The following NAV2 variants were observed in gnomAD, a reference collection of about 807,000 sequenced individuals.
The protein encoded by NAV2 is helicase, APC down-regulated 1.
Under a neutral mutation model 223.2 loss-of-function variants are expected in NAV2, and 54 were observed. The ratio of observed to expected loss-of-function variants is 0.24; its 90% confidence interval spans 0.19 to 0.30. The LOEUF (loss-of-function observed/expected upper bound fraction) is 0.30, where lower values mean the gene tolerates loss of function less well. Among genes scored for constraint, NAV2 ranks in the 10% least tolerant of loss-of-function variants. The pLI is 1.00. For synonymous variants in NAV2, 1,279 were observed against 1,239.3 expected, an observed-to-expected ratio of 1.03 and a Z score of -0.67; for missense variants, 2,806 against 3,147.5, an observed-to-expected ratio of 0.89 and a Z score of 2.60.
chr11:19,885,361 GTA>G (rs1006933380), intron 5 of NAV2, among the ~76,000 whole-genome samples: 1 of 152,140 alleles, frequency 6.6e-6, no homozygotes, highest in South Asian at 2.1e-4. Flanking sequence ...TTCAATTCTG[GTA>G]TCTCTGTGGT....
chr11:19,672,585 C>T (rs2048601767), intron 1 of NAV2, among the ~76,000 whole-genome samples: 1 of 152,114 alleles, frequency 6.6e-6, no homozygotes, highest in Non-Finnish European at 1.5e-5. Context: ...CAAATGGTGG[C>T]CAATGGGACT....
intron 1 of NAV2, among the ~76,000 whole-genome samples, chr11:19,600,127 AG>A (rs1382397845): frequency 6.6e-6 from 1 of 152,234 alleles, no homozygotes; most frequent in Non-Finnish European, 1.5e-5. Flanking sequence ...TCAATCCCAC[AG>A]GGGCCCTCTG....
At chr11:19,421,920 C>T (rs557668064) in intron 1 of NAV2, among the ~76,000 whole-genome samples, 2 of 152,270 alleles carry the variant, frequency 1.3e-5, no homozygotes, top group African/African-American at 4.8e-5. Context: ...CACATCCTGA[C>T]TCCTCATTTT....
intron 6 of NAV2, among the ~76,000 whole-genome samples, chr11:19,930,704 A>C (rs2045252832): frequency 6.6e-6 from 1 of 152,232 alleles, no homozygotes; most frequent in African/African-American, 2.4e-5. Flanking sequence ...ATACATATGA[A>C]TGAATATACT....
chr11:20,098,468 C>G (rs1288550446), intron 31 of NAV2, among the ~76,000 whole-genome samples: 1 of 152,172 alleles, frequency 6.6e-6, no homozygotes. Flanking sequence ...ATGTTATGGA[C>G]CACTTGAATA....
intron 1 of NAV2, among the ~76,000 whole-genome samples, chr11:19,697,907 G>A (rs2049396366): frequency 6.6e-6 from 1 of 152,100 alleles, no homozygotes; most frequent in African/African-American, 2.4e-5. Flanking sequence ...ACACGTTATC[G>A]TAACGCTGGG....
intron 11 of NAV2, among the ~76,000 whole-genome samples, chr11:19,994,794 A>G (rs1249087232): frequency 6.6e-6 from 1 of 152,166 alleles, no homozygotes; most frequent in Non-Finnish European, 1.5e-5. Context: ...GTATTTTCCC[A>G]GGGCTGTCTC....
Position 19,775,250 on chromosome 11 carries a change from T to C in NAV2, c.268-57234T>C, listed in dbSNP as rs186299687. On this transcript the variant is annotated intron_variant, in intron 1 of 37. Transcript: ENST00000349880. ...GACACATGCTCTCTCATTTCTGATA[T>C]GTTGTCCTAGCCTGTGCCCCTTCCC... 4.3e-3 allele frequency among the ~76,000 whole-genome samples: 659 copies of C among 152,368 alleles called. 5 individuals are homozygous for C. The highest frequency in any genetic ancestry group is 0.011 in the Admixed American group (174 of 15,308).
At chr11:19,673,591 G>A (rs954669920) in intron 1 of NAV2, among the ~76,000 whole-genome samples, 1 of 152,176 alleles carries the variant, frequency 6.6e-6, no homozygotes, top group Non-Finnish European at 1.5e-5. Flanking sequence ...TGTTAATTGG[G>A]GAGGAACAGA....
In NAV2 at chr11:19,431,306, C is replaced by A. The variant is rs185274163; in HGVS notation, c.75+80279C>A. On this transcript the variant is annotated intron_variant, in intron 1 of 37. Transcript: ENST00000360655. ...AAGCAGTCATTCTTCTAGTTCTTTG[C>A]TGCGTTTAACGACTGCTGAAGCTGG... is the stretch of plus-strand genomic sequence containing the variant. Among the ~76,000 whole-genome samples the A allele has an allele frequency of 7.2e-5, 11 of 152,286 alleles. No homozygotes were observed. In the East Asian group the frequency reaches 2.1e-3, roughly 29 times the overall value.
At chr11:19,718,311 A>T (rs957643178) in intron 1 of NAV2, among the ~76,000 whole-genome samples, 2 of 152,226 alleles carry the variant, frequency 1.3e-5, no homozygotes, top group Non-Finnish European at 2.9e-5. Flanking sequence ...ACATTAGCCT[A>T]TTTTTAAGAA....
At chr11:19,935,494 C>G (rs556321626) in intron 7 of NAV2, among the ~76,000 whole-genome samples, 1 of 152,190 alleles carries the variant, frequency 6.6e-6, no homozygotes, top group Non-Finnish European at 1.5e-5. Context: ...AGACTTTCAG[C>G]TTGCTATGTT....
intron 1 of NAV2, among the ~76,000 whole-genome samples, chr11:19,681,032 C>A (rs2048868654): frequency 6.6e-6 from 1 of 152,240 alleles, no homozygotes; most frequent in African/African-American, 2.4e-5. Flanking sequence ...TTAATTTAAT[C>A]ATCACAAACC....
intron 1 of NAV2, among the ~76,000 whole-genome samples, chr11:19,374,784 A>C (rs1473780375): frequency 6.6e-6 from 1 of 152,160 alleles, no homozygotes; most frequent in East Asian, 1.9e-4. Context: ...TTTGTTCTCC[A>C]ACTGTTTGGC....
chr11:19,565,716 C>T (rs1338628897), intron 1 of NAV2, among the ~76,000 whole-genome samples: 1 of 152,188 alleles, frequency 6.6e-6, no homozygotes, highest in Non-Finnish European at 1.5e-5. Flanking sequence ...GCTTTGAATA[C>T]ACCATTAAAA....
chr11:19,869,630 C>G (rs1340874005), intron 4 of NAV2, among the ~76,000 whole-genome samples: 1 of 152,202 alleles, frequency 6.6e-6, no homozygotes, highest in African/African-American at 2.4e-5. Context: ...TTCACGCTCT[C>G]TCCTGTTTGT....
upstream of NAV2, chr11:19,350,668 C>T (rs752690059): frequency 4.8e-5 from 22 of 456,286 alleles, no homozygotes; most frequent in East Asian, 1.6e-4. Context: ...CCAGATTTGT[C>T]CTCTGGGCTC....
chr11:19,994,047 A>T (rs1268543739), intron 11 of NAV2, among the ~76,000 whole-genome samples: 1 of 152,176 alleles, frequency 6.6e-6, no homozygotes, highest in Non-Finnish European at 1.5e-5. Flanking sequence ...GGGTGCAGAG[A>T]GGACCAGAAG....
rs188070472 is a variant in NAV2 at position 19,424,247 on chromosome 11, C to G, written c.75+73220C>G. ...GTGGCTAATATACAGCTTTAAGGAG[C>G]CATGGGTATTGTTTTCCCCTTTATT... On this transcript the variant is annotated intron_variant, in intron 1 of 37. Coordinates refer to the NAV2 transcript ENST00000360655. Among the ~76,000 whole-genome samples, 260 of 152,218 alleles carry G rather than the reference C, an allele frequency of 1.7e-3. 2 individuals carry two copies. Among genetic ancestry groups the G allele is most frequent in the African/African-American group, 6.1e-3 (254 of 41,526 alleles).
Sources: allele counts gnomAD v4.1 joint callset (sites outside exome capture counted in the v4.1 genomes callset), GRCh38; gene constraint gnomAD v4.1.1; transcripts MANE v1.5; gene names NCBI Gene and HGNC (gene_info 2026-07-23, HGNC 2026-07-21).